Variants in STAMBP observed in about 807,000 individuals in gnomAD.
STAMBP encodes STAM binding protein.
Under a neutral mutation model 50.7 loss-of-function variants are expected in STAMBP, and 31 were observed. The ratio of observed to expected loss-of-function variants is 0.61; its 90% CI spans 0.46 to 0.83. The LOEUF (loss-of-function observed/expected upper bound fraction) is 0.83, where lower values mean the gene tolerates loss of function less well. Among genes scored for constraint, STAMBP ranks in the 40% least tolerant of loss-of-function variants. The probability of loss-of-function intolerance (pLI) is 0.00; values close to 1 mark genes in which losing one functional copy is unlikely to be tolerated. For synonymous variants in STAMBP, 211 were observed against 192.4 expected, an observed-to-expected ratio of 1.10 and a Z score of -0.80; for missense variants, 472 against 518.9, an observed-to-expected ratio of 0.91 and a Z score of 0.88.
intron 2 of STAMBP, among the ~76,000 whole-genome samples, chr2:73,832,108 T>TATATATATATGTATATATATATATAC (rs1006072205): frequency 8.1e-6 from 1 of 122,902 alleles, no homozygotes; most frequent in Admixed American, 8.5e-5. Flanking sequence ...TATATATATA[T>TATATATATATGTATATATATATATAC]ACACATATAT....
chr2:73,850,191 T>A lies in STAMBP; in HGVS notation c.868-185T>A, dbSNP rs1676632209. 6.6e-6 allele frequency among the ~76,000 whole-genome samples: 1 copy of A among 152,182 alleles called. No homozygotes were observed. The highest frequency in any genetic ancestry group is 6.5e-5 in the Admixed American group (1 of 15,280). ...TGGGGTTGGTCTCTGCATCTGTCGCTGTACAGAGTACCCCAGGCAATGTGC... is the reference window on the plus strand; with the variant it reads ...TGGGGTTGGTCTCTGCATCTGTCGCAGTACAGAGTACCCCAGGCAATGTGC... On this transcript the variant is annotated intron_variant, in intron 6 of 9. Transcript: ENST00000394070. This position sits in a 1 kb window ranked among gnomAD's most constrained non-coding sequence, Gnocchi z 4.3.
chr2:73,856,610 C>T (rs1382935629), intron 7 of STAMBP, among the ~76,000 whole-genome samples: 1 of 152,188 alleles, frequency 6.6e-6, no homozygotes, highest in Non-Finnish European at 1.5e-5. Flanking sequence ...TTGTTGAGGA[C>T]ACCCACCTAC....
chr2:73,860,001 G>A (rs1558595418), intron 8 of STAMBP, 51 bp from the exon 9 acceptor site: 3 of 1,373,782 alleles, frequency 2.2e-6, no homozygotes, highest in Non-Finnish European at 3.1e-6. Context: ...ATATGTTTGG[G>A]ATGGAGGGAC....
chr2:73,858,027 G>C (rs7592693), intron 7 of STAMBP, among the ~76,000 whole-genome samples: 9,999 of 151,518 alleles, frequency 0.066, 651 homozygotes, highest in African/African-American at 0.16. Context: ...CTGTCACCCA[G>C]GCTGGAGTGC....
intron 6 of STAMBP, 58 bp downstream of exon 6, chr2:73,849,545 T>A: frequency 6.5e-7 from 1 of 1,530,548 alleles, no homozygotes; most frequent in Non-Finnish European, 8.7e-7. Flanking sequence ...CTTCCCCTCT[T>A]GGCATCCTGT....
intron 4 of STAMBP, 46 bp from the exon 5 acceptor site, chr2:73,847,341 A>G: frequency 6.5e-7 from 1 of 1,538,816 alleles, no homozygotes. Flanking sequence ...TGAAGTGTGA[A>G]GTCACTGAGG....
chr2:73,851,676 T>C (rs1676828504), intron 7 of STAMBP, among the ~76,000 whole-genome samples: 2 of 151,718 alleles, frequency 1.3e-5, no homozygotes, highest in Admixed American at 1.3e-4. Context: ...TTTCACTCTT[T>C]TCACCCAGAC....
chr2:73,829,850 T>C (rs1398055310), intron 1 of STAMBP, among the ~76,000 whole-genome samples: 1 of 152,212 alleles, frequency 6.6e-6, no homozygotes, highest in Admixed American at 6.5e-5. Flanking sequence ...TGAGGATGCC[T>C]GGGCGGATTG....
intron 10 of STAMBP, chr2:73,873,228 T>C (rs1487927675): frequency 6.6e-6 from 1 of 152,218 alleles, no homozygotes; most frequent in East Asian, 1.9e-4. Context: ...AAATATTTAG[T>C]GACAGTGAGC....
intron 2 of STAMBP, among the ~76,000 whole-genome samples, chr2:73,838,110 A>G (rs1214186230): frequency 6.6e-6 from 1 of 152,250 alleles, no homozygotes; most frequent in African/African-American, 2.4e-5. Context: ...TAGAACGGGT[A>G]GAAAGGTGAA....
At chr2:73,854,108 G>A (rs1056784050) in intron 7 of STAMBP, among the ~76,000 whole-genome samples, 2 of 152,188 alleles carry the variant, frequency 1.3e-5, no homozygotes, top group Non-Finnish European at 1.5e-5. Flanking sequence ...AGGAAGGATC[G>A]AATGAGAAGT....
In STAMBP at chr2:73,860,197, A is replaced by G. The variant is rs754904693; in HGVS notation, c.1218+46A>G. 5 of 1,511,920 alleles carry G rather than the reference A, an allele frequency of 3.3e-6. No individual in the cohort carries two copies. The South Asian group carries it at 5.7e-5, about 17-fold the overall frequency. The allele number at this position is 1,511,920 out of a possible 1,614,324, so 93.7% of individuals were successfully genotyped here. ...AAATGGGGCTATGCTTCAAGCAGGG[A>G]GGACAGTCAGAGCTGATGAAATGCA... On this transcript the variant is annotated intron_variant, in intron 9 of 9. Coordinates refer to ENST00000394070, the MANE Select transcript of STAMBP (RefSeq NM_213622.4).
At chr2:73,831,096 A>T in intron 2 of STAMBP, 37 bp downstream of exon 2, 1 of 1,557,304 alleles carries the variant, frequency 6.4e-7, no homozygotes, top group Non-Finnish European at 8.9e-7. Context: ...CTTTCTGGTG[A>T]CTGGTGCCTC....
intron 2 of STAMBP, among the ~76,000 whole-genome samples, chr2:73,842,251 ACTGT>A (rs1239446411): frequency 6.6e-6 from 1 of 152,130 alleles, no homozygotes; most frequent in African/African-American, 2.4e-5. Context: ...GCCTGGGGCC[ACTGT>A]CTGTGTGGAG....
At position 73,865,944 on chromosome 2, in the gene STAMBP, C is replaced by T. The variant is rs547820904; in HGVS notation, c.*3685C>T. 1 of 152,254 alleles carries T rather than the reference C, an allele frequency of 6.6e-6. No homozygotes were observed. The highest frequency in any genetic ancestry group is 6.5e-5 in the Admixed American group (1 of 15,288). The allele number at this position is 152,254 out of a possible 1,614,324, so 9.4% of individuals were successfully genotyped here. ...CCTCAAGAACCATTCCAAATTTCTA[C>T]TCATTCTCCCTAAGACCCAGAGCAG... On this transcript the variant is annotated 3_prime_UTR_variant, in exon 10 of 10. Coordinates refer to ENST00000394070, the MANE Select transcript of STAMBP (RefSeq NM_213622.4).
At chr2:73,834,219 AAAAAAAAAAAAAAAAAAATATATAT>A (rs1462815763) in intron 2 of STAMBP, among the ~76,000 whole-genome samples, 103 of 18,786 alleles carry the variant, frequency 5.5e-3, no homozygotes, top group Non-Finnish European at 7.9e-3. Context: ...TAAAAAAAAA[AAAAAAAAAAAAAAAAAAATATATAT>A]ATATATATAT....
downstream of STAMBP, among the ~76,000 whole-genome samples, chr2:73,869,566 GA>G (rs1292730392): frequency 1.3e-5 from 2 of 151,874 alleles, no homozygotes; most frequent in South Asian, 2.1e-4. Flanking sequence ...AAAATTGAAA[GA>G]AAAAAAGAAT....
chr2:73,850,218 T>C lies in STAMBP; in HGVS notation c.868-158T>C, dbSNP rs548121071. ...TACAGAGTACCCCAGGCAATGTGCA[T>C]CAGCAGCCAAGGTTGTGAACCACTG... On this transcript the variant is annotated intron_variant, in intron 6 of 9. Transcript: ENST00000394070. The surrounding 1 kb of genome is among the most constrained non-coding windows in gnomAD (Gnocchi z 4.3). 1.3e-5 allele frequency among the ~76,000 whole-genome samples: 2 copies of C among 152,322 alleles called. No homozygotes were observed. The highest frequency in any genetic ancestry group is 4.1e-4 in the South Asian group (2 of 4,826).
downstream of STAMBP, among the ~76,000 whole-genome samples, chr2:73,869,384 T>C (rs1192456901): frequency 1.3e-5 from 2 of 152,100 alleles, no homozygotes; most frequent in Non-Finnish European, 2.9e-5. Flanking sequence ...AGAAAATAAA[T>C]GGAAAGACAG....
Sources: gnomAD v4.1 joint callset for allele counts (sites outside exome capture counted in the v4.1 genomes callset) on GRCh38, gnomAD v4.1.1 for gene constraint, Gnocchi (gnomAD v3.1) non-coding constraint, MANE v1.5 for transcripts, NCBI Gene and HGNC (gene_info 2026-07-23, HGNC 2026-07-21) for gene names.